The following ATRNL1 variants were observed in gnomAD, a reference collection of about 807,000 sequenced individuals.
The protein encoded by ATRNL1 is attractin like 1.
ATRNL1 carries 95 observed loss-of-function variants against 182.7 expected under a neutral mutation model. The ratio of observed to expected loss-of-function variants is 0.52; its 90% confidence interval spans 0.44 to 0.62. The LOEUF (loss-of-function observed/expected upper bound fraction) is 0.62, where lower values mean the gene tolerates loss of function less well. Ranked by LOEUF, ATRNL1 falls within the 20% of genes least tolerant of loss-of-function variation. The pLI, the probability that ATRNL1 is intolerant of heterozygous loss-of-function variation, is 0.00. For missense variants in ATRNL1, 1,471 were observed against 1,679.5 expected (o/e 0.88, Z 2.17); for synonymous variants, 576 against 568.3 (o/e 1.01, Z -0.19).
intron 26 of ATRNL1, among the ~76,000 whole-genome samples, chr10:115,676,918 C>A (rs1219404949): frequency 3.3e-5 from 5 of 152,038 alleles, no homozygotes; most frequent in African/African-American, 1.2e-4. Flanking sequence ...CTGCTACACC[C>A]ATGACCAATG....
intron 16 of ATRNL1, 70 bp downstream of exon 16, chr10:115,300,317 T>A: frequency 8.0e-7 from 1 of 1,249,376 alleles, no homozygotes; most frequent in Non-Finnish European, 1.1e-6. Flanking sequence ...TCCTTCCTTC[T>A]AGGGTGTAGT....
chr10:115,453,312 A>C, intron 21 of ATRNL1, among the ~76,000 whole-genome samples: 1 of 149,780 alleles, frequency 6.7e-6, no homozygotes. Flanking sequence ...GCATTCCCAT[A>C]AACAGTATAC....
At chr10:115,730,268 AAAAAAAAAAAAAAAG>A (rs1430914670) in intron 27 of ATRNL1, among the ~76,000 whole-genome samples, 3 of 150,702 alleles carry the variant, frequency 2.0e-5, no homozygotes, top group African/African-American at 7.3e-5. Flanking sequence ...AAAAAAAAAA[AAAAAAAAAAAAAAAG>A]AGAGAGAGAG....
At chr10:115,615,783 G>A (rs1184366364) in intron 26 of ATRNL1, among the ~76,000 whole-genome samples, 2 of 152,180 alleles carry the variant, frequency 1.3e-5, no homozygotes, top group Non-Finnish European at 2.9e-5. Context: ...TTGTAGCCAA[G>A]CAGATGCTGC....
chr10:115,680,489 G>T (rs1946011496), intron 26 of ATRNL1, among the ~76,000 whole-genome samples: 1 of 152,086 alleles, frequency 6.6e-6, no homozygotes, highest in Non-Finnish European at 1.5e-5. Context: ...GTAACTATAG[G>T]GGATCATATG....
At chr10:115,160,954 T>A (rs1376997911) in intron 6 of ATRNL1, among the ~76,000 whole-genome samples, 1 of 151,930 alleles carries the variant, frequency 6.6e-6, no homozygotes, top group Non-Finnish European at 1.5e-5. Context: ...ATTGCCAGAT[T>A]TAGCAGATAA....
Position 115,545,203 on chromosome 10 carries a change from C to G in ATRNL1, c.3717-4255C>G, listed in dbSNP as rs558335803. Among the ~76,000 whole-genome samples the G allele has an allele frequency of 7.9e-4, 114 of 143,812 alleles. No individual in the cohort carries two copies. In the South Asian group the frequency reaches 0.017, roughly 21 times the overall value. The allele number at this position is 143,812 out of a possible 152,430, so 94.3% of individuals were successfully genotyped here. On this transcript the variant is annotated intron_variant, in intron 25 of 28. Transcript: ENST00000355044. ...TGAGCCAAGATCACGCCACTGCACT[C>G]CAGCCTGGGTGACAGAGCGAGACTC...
At chr10:115,570,009 T>A (rs1252529641) in intron 26 of ATRNL1, among the ~76,000 whole-genome samples, 1 of 152,216 alleles carries the variant, frequency 6.6e-6, no homozygotes, top group African/African-American at 2.4e-5. Flanking sequence ...AGCTTTCTGC[T>A]GGAGTGCAGT....
chr10:115,653,919 C>G (rs930132146), intron 26 of ATRNL1, among the ~76,000 whole-genome samples: 23 of 152,172 alleles, frequency 1.5e-4, no homozygotes, highest in Non-Finnish European at 1.8e-4. Flanking sequence ...CCTGTGATCA[C>G]ATCCTTTTTT....
At chr10:115,778,751 C>T (rs913039732) in intron 27 of ATRNL1, among the ~76,000 whole-genome samples, 2 of 152,016 alleles carry the variant, frequency 1.3e-5, no homozygotes, top group African/African-American at 4.8e-5. Flanking sequence ...AAGTTGAGAG[C>T]TTTTTGGTTT....
intron 27 of ATRNL1, among the ~76,000 whole-genome samples, chr10:115,823,104 C>T (rs1555090967): frequency 1.3e-5 from 2 of 152,160 alleles, no homozygotes; most frequent in African/African-American, 4.8e-5. Flanking sequence ...AGCTTTATCC[C>T]TGGGCTGCAA....
intron 10 of ATRNL1, among the ~76,000 whole-genome samples, chr10:115,260,275 A>G (rs1554908414): frequency 6.6e-6 from 1 of 152,240 alleles, no homozygotes; most frequent in Non-Finnish European, 1.5e-5. Flanking sequence ...ATGAAAGTAT[A>G]CATACTTAAG....
At chr10:115,505,082 C>A (rs1300050194) in intron 24 of ATRNL1, among the ~76,000 whole-genome samples, 1 of 151,980 alleles carries the variant, frequency 6.6e-6, no homozygotes, top group South Asian at 2.1e-4. Flanking sequence ...GACAAAAAGT[C>A]TGGTGGTGCT....
rs184603886 is a variant in ATRNL1, at chr10:115,916,400, C to T, written c.4019-28258C>T. On this transcript the variant is annotated intron_variant, in intron 28 of 28. Coordinates refer to ENST00000355044, the MANE Select transcript of ATRNL1 (RefSeq NM_207303.4). ...GTCAATATAGCCTTGCCCTCAGAGACCTTTTGTTTGAAATAGTCTCGGTCT... is the reference window on the plus strand; with the variant it reads ...GTCAATATAGCCTTGCCCTCAGAGATCTTTTGTTTGAAATAGTCTCGGTCT... 7.9e-5 allele frequency among the ~76,000 whole-genome samples: 12 copies of T among 152,312 alleles called. No homozygotes were observed. In the East Asian group the frequency reaches 2.3e-3, roughly 29 times the overall value.
intron 26 of ATRNL1, among the ~76,000 whole-genome samples, chr10:115,647,445 A>G (rs1859702836): frequency 6.6e-6 from 1 of 152,110 alleles, no homozygotes; most frequent in Admixed American, 6.5e-5. Context: ...ATTTCTCTAC[A>G]TCCTCTCCGG....
intron 24 of ATRNL1, among the ~76,000 whole-genome samples, chr10:115,492,644 A>ATTTTTTTT (rs10677710): frequency 8.2e-6 from 1 of 121,860 alleles, no homozygotes; most frequent in African/African-American, 3.2e-5. Context: ...TACTAAAGTG[A>ATTTTTTTT]TTTTTTTTTT....
At chr10:115,582,238 A>G (rs1855155631) in intron 26 of ATRNL1, among the ~76,000 whole-genome samples, 1 of 138,446 alleles carries the variant, frequency 7.2e-6, no homozygotes, top group Non-Finnish European at 1.6e-5. Context: ...AGCATGATTT[A>G]TAGTCCTTTG....
chr10:115,425,341 T>G (rs1845836690), intron 20 of ATRNL1, among the ~76,000 whole-genome samples: 1 of 144,036 alleles, frequency 6.9e-6, no homozygotes, highest in Admixed American at 6.8e-5. Context: ...AATAATTACT[T>G]AAACCATATG....
intron 8 of ATRNL1, among the ~76,000 whole-genome samples, chr10:115,188,016 G>A (rs1848017557): frequency 7.6e-6 from 1 of 130,836 alleles, no homozygotes; most frequent in Non-Finnish European, 1.6e-5. Context: ...ATTAAGGACA[G>A]TAAGAATGAT....
Sources: allele counts gnomAD v4.1 joint callset (sites outside exome capture counted in the v4.1 genomes callset), GRCh38; gene constraint gnomAD v4.1.1; transcripts MANE v1.5; gene names NCBI Gene and HGNC (gene_info 2026-07-23, HGNC 2026-07-21).